DNAJC17: variants seen among roughly 807,000 people sequenced by gnomAD.
DNAJC17 encodes the protein dnaJ homolog subfamily C member 17.
Under a neutral mutation model 48.1 loss-of-function variants are expected in DNAJC17, and 35 were observed. The observed-to-expected ratio is 0.73, with a 90% CI of 0.56 to 0.96. DNAJC17 has a LOEUF of 0.96. DNAJC17 is among the 50% of genes least tolerant of loss of function. The pLI is 0.00. For synonymous variants in DNAJC17, 117 were observed against 142.7 expected, an observed-to-expected ratio of 0.82 and a Z score of 1.28; for missense variants, 355 against 377.1, an observed-to-expected ratio of 0.94 and a Z score of 0.48.
intron 1 of DNAJC17, chr15:40,780,241 T>A (rs1243712676): frequency 1.6e-6 from 1 of 635,788 alleles, no homozygotes; most frequent in Admixed American, 2.1e-5. Context: ...CCACTGCAGA[T>A]GTCCAGGGGC....
In DNAJC17 at chr15:40,769,484, C is replaced by T. The variant is rs1889058974; in HGVS notation, c.793-1422G>A. 6.6e-6 allele frequency among the ~76,000 whole-genome samples: 1 copy of T among 152,246 alleles called. No individual in the cohort carries two copies. The highest frequency in any genetic ancestry group is 1.5e-5 in the Non-Finnish European group (1 of 68,028). ...GCTCTGCCAAGAAAACTTGGAGCCACCCTTGGCGGGCCCCCAGCCCAACCC... is the reference window on the plus strand; with the variant it reads ...GCTCTGCCAAGAAAACTTGGAGCCATCCTTGGCGGGCCCCCAGCCCAACCC... On this transcript the variant is annotated intron_variant, in intron 10 of 10. Transcript: ENST00000220496. This position sits in a 1 kb window ranked among gnomAD's most constrained non-coding sequence, Gnocchi z 4.2.
intron 1 of DNAJC17, among the ~76,000 whole-genome samples, chr15:40,791,229 C>CA (rs1036154642): frequency 2.6e-5 from 4 of 151,506 alleles, no homozygotes; most frequent in Non-Finnish European, 4.4e-5. Flanking sequence ...ATTGAGGCTA[C>CA]AAAAAAAATT....
rs73398517 is a variant in DNAJC17, at chr15:40,770,118, C to T, written c.793-2056G>A. On this transcript the variant is annotated intron_variant, in intron 10 of 10. Transcript: ENST00000220496. The surrounding 1 kb of genome is among the most constrained non-coding windows in gnomAD (Gnocchi z 5.0). ...CTGCTGCCTGCCTGTGGAAGGAGCGCTCGCCAGCCTCACCCAGCCCGAGAA... is the reference window on the plus strand; with the variant it reads ...CTGCTGCCTGCCTGTGGAAGGAGCGTTCGCCAGCCTCACCCAGCCCGAGAA... The T allele has an allele frequency of 0.032, 6,767 of 214,258 alleles. 502 individuals are homozygous for T. The highest frequency in any genetic ancestry group is 0.15 in the African/African-American group (6,408 of 42,792). The allele number at this position is 214,258 out of a possible 1,614,324, so 13.3% of individuals were successfully genotyped here.
chr15:40,767,887 T>C lies in DNAJC17; in HGVS notation c.*53A>G. ...GGTAAAATCTTAAAAAAAAAAAAAATTTATTGGTGACGTTGAAGAAAAGGG... is the reference window on the plus strand; with the variant it reads ...GGTAAAATCTTAAAAAAAAAAAAAACTTATTGGTGACGTTGAAGAAAAGGG... On this transcript the variant is annotated 3_prime_UTR_variant, in exon 11 of 11. Transcript: ENST00000220496. 2 of 1,580,848 alleles carry C rather than the reference T, an allele frequency of 1.3e-6. No homozygotes were observed. Among genetic ancestry groups the C allele is most frequent in the South Asian group, 2.3e-5 (2 of 86,400 alleles).
At chr15:40,798,280 T>G (rs1335397930) in intron 1 of DNAJC17, among the ~76,000 whole-genome samples, 1 of 152,172 alleles carries the variant, frequency 6.6e-6, no homozygotes, top group Non-Finnish European at 1.5e-5. Flanking sequence ...TTATATGAGG[T>G]TCATAGAATA....
chr15:40,790,598 A>C (rs1889774247), intron 1 of DNAJC17, among the ~76,000 whole-genome samples: 1 of 152,016 alleles, frequency 6.6e-6, no homozygotes, highest in Non-Finnish European at 1.5e-5. Context: ...ATAAAATAAA[A>C]ATAAAATAAG....
rs768157762 is a variant in DNAJC17, at chr15:40,807,460, C to CGGAT, written c.-18_-15dup. The CGGAT allele has an allele frequency of 1.2e-6, 2 of 1,614,012 alleles. No homozygotes were observed. Among genetic ancestry groups the CGGAT allele is most frequent in the African/African-American group, 2.7e-5 (2 of 74,944 alleles). ...GGTCACTGCCATGGTTCCGGCCTGA[C>CGGAT]GGATTCGTACTACAACTCCCAAGAG... On this transcript the variant is annotated 5_prime_UTR_variant, in exon 1 of 11. Coordinates refer to ENST00000220496, the MANE Select transcript of DNAJC17 (RefSeq NM_018163.3).
intron 1 of DNAJC17, among the ~76,000 whole-genome samples, chr15:40,800,701 G>A (rs940831872): frequency 2.0e-5 from 3 of 147,298 alleles, no homozygotes; most frequent in Non-Finnish European, 4.5e-5. Flanking sequence ...AAAAAAAAAA[G>A]GTCAGCTGGG....
In DNAJC17 at chr15:40,797,710, C is replaced by T. The variant is rs549871058; in HGVS notation, c.78+9659G>A. Among the ~76,000 whole-genome samples the T allele has an allele frequency of 1.9e-3, 287 of 147,904 alleles. 2 individuals are homozygous for T. Among genetic ancestry groups the T allele is most frequent in the African/African-American group, 6.7e-3 (269 of 39,948 alleles). On this transcript the variant is annotated intron_variant, in intron 1 of 10. Coordinates refer to ENST00000220496, the MANE Select transcript of DNAJC17 (RefSeq NM_018163.3). ...TACAGGTGTAAGCCACCGCACCTGGCCGATCTCTTTTTTTTTTTTTTTTTT... is the reference window on the plus strand; with the variant it reads ...TACAGGTGTAAGCCACCGCACCTGGTCGATCTCTTTTTTTTTTTTTTTTTT...
intron 1 of DNAJC17, among the ~76,000 whole-genome samples, chr15:40,793,306 T>C (rs1415699350): frequency 1.3e-5 from 2 of 152,212 alleles, no homozygotes; most frequent in African/African-American, 2.4e-5. Context: ...CATTTTCTTA[T>C]ATACTCTTAC....
chr15:40,801,588 C>T (rs560225581), intron 1 of DNAJC17, among the ~76,000 whole-genome samples: 11 of 152,120 alleles, frequency 7.2e-5, no homozygotes, highest in African/African-American at 2.4e-4. Flanking sequence ...CCCGTCTCTA[C>T]TAAAAATACA....
rs777345455 is a variant in DNAJC17, at chr15:40,767,970, C to G, written c.885G>C (p.Gln295His). ...TAGGCGGCCCCTCCTGGTCTTCCTG[C>G]TGCATCCGTGCGATCAGCTGTTGCC... ...AERQQLIARM[Q>H]QEDQEGPPT Residue 295 changes from glutamine to histidine, a missense_variant, in exon 11 of 11, where the codon CAG becomes CAC. Gln to His is a conservative substitution (Grantham distance 24). This residue lies in a region of DNAJC17 where 88 missense variants were observed against 67.7 expected (regional missense o/e 1.30). Coordinates refer to ENST00000220496, the MANE Select transcript of DNAJC17 (RefSeq NM_018163.3). The G allele has an allele frequency of 2.5e-6, 4 of 1,612,940 alleles. No homozygotes were observed. Among genetic ancestry groups the G allele is most frequent in the Non-Finnish European group, 2.5e-6 (3 of 1,179,716 alleles).
chr15:40,767,567 T>C lies in DNAJC17; in HGVS notation c.*373A>G. 1 of 613,974 alleles carries C rather than the reference T, an allele frequency of 1.6e-6. No homozygotes were observed. Among genetic ancestry groups the C allele is most frequent in the Admixed American group, 3.6e-5 (1 of 27,664 alleles). The allele number at this position is 613,974 out of a possible 1,614,324, so 38.0% of individuals were successfully genotyped here. ...GGTGCCCTGGTGCTCCCAGCTGCCCTCCTGCTTCGGGCCTGGGCCGAGGGC... is the reference window on the plus strand; with the variant it reads ...GGTGCCCTGGTGCTCCCAGCTGCCCCCCTGCTTCGGGCCTGGGCCGAGGGC... On this transcript the variant is annotated 3_prime_UTR_variant, in exon 11 of 11. Coordinates refer to ENST00000220496, the MANE Select transcript of DNAJC17 (RefSeq NM_018163.3).
Position 40,776,180 on chromosome 15 carries a change from G to C in DNAJC17, c.478+16C>G. The C allele has an allele frequency of 1.2e-6, 2 of 1,611,364 alleles. No individual in the cohort carries two copies. The highest frequency in any genetic ancestry group is 1.7e-6 in the Non-Finnish European group (2 of 1,178,880). Reference sequence around the variant, plus strand: ...GCTACCTTGGAGGGGAGATAGGCGGGGTGATAGACCTGCACCTCTCAACCT... The same window carrying C: ...GCTACCTTGGAGGGGAGATAGGCGGCGTGATAGACCTGCACCTCTCAACCT... On this transcript the variant is annotated intron_variant, in intron 6 of 10. Coordinates refer to ENST00000220496, the MANE Select transcript of DNAJC17 (RefSeq NM_018163.3).
chr15:40,802,617 G>A (rs1037360382), intron 1 of DNAJC17, among the ~76,000 whole-genome samples: 5 of 152,124 alleles, frequency 3.3e-5, no homozygotes, highest in African/African-American at 1.2e-4. Context: ...CCACTGAACC[G>A]CGCTGGACAG....
At chr15:40,795,538 T>G (rs977734838) in intron 1 of DNAJC17, among the ~76,000 whole-genome samples, 1 of 151,924 alleles carries the variant, frequency 6.6e-6, no homozygotes, top group Non-Finnish European at 1.5e-5. Context: ...TCTAAAACAC[T>G]CATGGAGAAA....
Position 40,770,534 on chromosome 15 carries a change from C to T in DNAJC17, c.793-2472G>A. The T allele has an allele frequency of 6.4e-7, 1 of 1,550,592 alleles. No individual in the cohort carries two copies. Among genetic ancestry groups the T allele is most frequent in the Non-Finnish European group, 8.7e-7 (1 of 1,146,952 alleles). On this transcript the variant is annotated intron_variant, in intron 10 of 10. Coordinates refer to ENST00000220496, the MANE Select transcript of DNAJC17 (RefSeq NM_018163.3). This position sits in a 1 kb window ranked among gnomAD's most constrained non-coding sequence, Gnocchi z 5.0. ...GGAAAGGCTCCTTCCGCAACGCCTC[C>T]TTCTTCAAGCAGCTGAGCCTGGGGC...
At chr15:40,792,433 T>G (rs1302942724) in intron 1 of DNAJC17, 7 of 982,240 alleles carry the variant, frequency 7.1e-6, no homozygotes, top group Non-Finnish European at 8.5e-6. Flanking sequence ...TTCAAACATC[T>G]GGCTTCCCCA....
chr15:40,783,243 C>T (rs1889551421), intron 1 of DNAJC17, among the ~76,000 whole-genome samples: 1 of 152,042 alleles, frequency 6.6e-6, no homozygotes, highest in African/African-American at 2.4e-5. Context: ...ATACCAAAAA[C>T]ATTATAAAGA....
Sources: allele counts gnomAD v4.1 joint callset (sites outside exome capture counted in the v4.1 genomes callset), GRCh38; gene constraint gnomAD v4.1.1; regional missense constraint gnomAD v4.1.1; non-coding constraint Gnocchi (gnomAD v3.1); transcripts MANE v1.5; gene names NCBI Gene and HGNC (gene_info 2026-07-23, HGNC 2026-07-21).